HDAC9: variants seen among roughly 807,000 people sequenced by gnomAD.
The protein encoded by HDAC9 is MEF-2 interacting transcription repressor (MITR) protein.
A neutral mutation model predicts 139.4 loss-of-function variants in HDAC9; 41 were observed. That is an observed-to-expected ratio of 0.29 (90% CI 0.23 to 0.38). The LOEUF (loss-of-function observed/expected upper bound fraction) is 0.38. HDAC9 is among the 10% of genes least tolerant of loss of function. The probability of loss-of-function intolerance (pLI) is 1.00; values close to 1 mark genes in which losing one functional copy is unlikely to be tolerated. For missense variants in HDAC9, 1,147 were observed against 1,297.0 expected (o/e 0.88, Z 1.78); for synonymous variants, 517 against 476.2 (o/e 1.09, Z -1.12).
intron 23 of HDAC9, among the ~76,000 whole-genome samples, chr7:18,947,787 A>T (rs903031083): frequency 6.6e-6 from 1 of 152,014 alleles, no homozygotes; most frequent in African/African-American, 2.4e-5. Context: ...CCAAAAACTT[A>T]ACAGAATATC....
Position 18,565,062 on chromosome 7 carries a change from A to G in HDAC9, c.23-20219A>G, listed in dbSNP as rs1020423444. Among the ~76,000 whole-genome samples, 7 of 151,762 alleles carry G rather than the reference A, an allele frequency of 4.6e-5. No individual in the cohort carries two copies. The East Asian group carries it at 5.8e-4, about 13-fold the overall frequency. On this transcript the variant is annotated intron_variant, in intron 2 of 25. Transcript: ENST00000686413. ...GCCCAGGCTGGAGTGCAGTGGCACAATTTGGCTCACCGCAACCTCTGCCTC... is the reference window on the plus strand; with the variant it reads ...GCCCAGGCTGGAGTGCAGTGGCACAGTTTGGCTCACCGCAACCTCTGCCTC...
At chr7:18,172,431 T>G (rs1788525162) in intron 2 of HDAC9, among the ~76,000 whole-genome samples, 1 of 152,162 alleles carries the variant, frequency 6.6e-6, no homozygotes, top group South Asian at 2.1e-4. Context: ...TTTGAAGGGT[T>G]TTTTATGTCT....
intron 16 of HDAC9, among the ~76,000 whole-genome samples, chr7:18,780,035 A>G (rs1299161299): frequency 1.3e-5 from 2 of 151,940 alleles, no homozygotes; most frequent in African/African-American, 2.4e-5. Context: ...CGCTTTTTCA[A>G]CTCTAAAGTG....
chr7:18,652,013 T>G (rs1440459733), intron 11 of HDAC9, among the ~76,000 whole-genome samples: 5 of 152,138 alleles, frequency 3.3e-5, no homozygotes, highest in Non-Finnish European at 7.4e-5. Context: ...TTTGAGAAGT[T>G]TAATCATAAA....
At chr7:18,555,244 T>C (rs1818436847) in intron 2 of HDAC9, among the ~76,000 whole-genome samples, 1 of 152,174 alleles carries the variant, frequency 6.6e-6, no homozygotes, top group African/African-American at 2.4e-5. Context: ...TGGTATTTGA[T>C]TCATTAATTC....
chr7:18,383,664 A>G (rs1337243426), intron 1 of HDAC9, among the ~76,000 whole-genome samples: 5 of 152,032 alleles, frequency 3.3e-5, no homozygotes, highest in Non-Finnish European at 7.4e-5. Context: ...CTTTTTTAGC[A>G]TGAAAGAAAA....
intron 22 of HDAC9, among the ~76,000 whole-genome samples, chr7:18,896,095 A>G (rs990106531): frequency 1.3e-5 from 2 of 152,060 alleles, no homozygotes; most frequent in African/African-American, 2.4e-5. Context: ...TTAAATTCCA[A>G]GTGTTATTTA....
chr7:18,740,793 A>G (rs749425656), intron 13 of HDAC9, among the ~76,000 whole-genome samples: 3 of 152,256 alleles, frequency 2.0e-5, no homozygotes, highest in Non-Finnish European at 2.9e-5. Flanking sequence ...GTGAATAGAA[A>G]AGAAAAGCTC....
intron 16 of HDAC9, among the ~76,000 whole-genome samples, chr7:18,782,989 C>G (rs1449356974): frequency 1.3e-5 from 2 of 152,028 alleles, no homozygotes; most frequent in Non-Finnish European, 2.9e-5. Context: ...AATGCTACCA[C>G]CTAAAAGAAT....
At chr7:18,825,702 A>G (rs1387629988) in intron 17 of HDAC9, among the ~76,000 whole-genome samples, 3 of 149,260 alleles carry the variant, frequency 2.0e-5, no homozygotes, top group Non-Finnish European at 4.4e-5. Flanking sequence ...AAGATTTTAT[A>G]TATATATAAA....
chr7:18,528,186 A>G (rs1448935350), intron 2 of HDAC9, among the ~76,000 whole-genome samples: 1 of 152,026 alleles, frequency 6.6e-6, no homozygotes, highest in Non-Finnish European at 1.5e-5. Context: ...GTGTGGTGGC[A>G]CATGGGAAGC....
intron 2 of HDAC9, among the ~76,000 whole-genome samples, chr7:18,177,516 G>A (rs1789019456): frequency 6.6e-6 from 1 of 152,144 alleles, no homozygotes; most frequent in African/African-American, 2.4e-5. Context: ...CCCAGGTCCA[G>A]TTTTCTTGCT....
At chr7:18,727,135 C>T (rs1380000641) in intron 12 of HDAC9, among the ~76,000 whole-genome samples, 1 of 152,172 alleles carries the variant, frequency 6.6e-6, no homozygotes. Context: ...AAACAATATT[C>T]ACTGAAATAA....
intron 11 of HDAC9, among the ~76,000 whole-genome samples, chr7:18,658,189 T>G (rs1220110440): frequency 6.6e-6 from 1 of 152,118 alleles, no homozygotes; most frequent in East Asian, 1.9e-4. Flanking sequence ...CATTTTTCAG[T>G]TGCTAATTTT....
At chr7:18,413,441 G>C (rs1788761078) in intron 1 of HDAC9, among the ~76,000 whole-genome samples, 2 of 152,034 alleles carry the variant, frequency 1.3e-5, no homozygotes, top group Admixed American at 6.6e-5. Context: ...TGATATTTTT[G>C]AAGTCCTAAT....
intron 1 of HDAC9, among the ~76,000 whole-genome samples, chr7:18,434,779 T>C (rs1444687381): frequency 1.3e-5 from 2 of 152,176 alleles, no homozygotes; most frequent in Non-Finnish European, 1.5e-5. Context: ...GGAACACTTA[T>C]ACACAGTTGG....
chr7:18,895,799 GCTT>G (rs1385501801), intron 22 of HDAC9, among the ~76,000 whole-genome samples: 1 of 152,056 alleles, frequency 6.6e-6, no homozygotes, highest in Non-Finnish European at 1.5e-5. Flanking sequence ...GAGGCTTTAA[GCTT>G]CTTGTTATAC....
chr7:18,793,864 G>T (rs370794942), intron 17 of HDAC9, among the ~76,000 whole-genome samples: 10 of 152,256 alleles, frequency 6.6e-5, no homozygotes, highest in African/African-American at 2.4e-4. Flanking sequence ...GGCAGAGAAA[G>T]GTAAATACCA....
At chr7:18,218,719 A>G (rs995495762) in intron 2 of HDAC9, among the ~76,000 whole-genome samples, 1 of 152,144 alleles carries the variant, frequency 6.6e-6, no homozygotes, top group African/African-American at 2.4e-5. Flanking sequence ...CATTTCTTAT[A>G]TTATGAAATA....
Sources: allele counts gnomAD v4.1 joint callset (sites outside exome capture counted in the v4.1 genomes callset), GRCh38; gene constraint gnomAD v4.1.1; transcripts MANE v1.5; gene names NCBI Gene and HGNC (gene_info 2026-07-23, HGNC 2026-07-21).